NOS1AP: variants seen among roughly 807,000 people sequenced by gnomAD.
NOS1AP encodes nitric oxide synthase 1 adaptor protein.
NOS1AP carries 21 observed loss-of-function variants against 56.2 expected under a neutral mutation model. That is an observed-to-expected ratio of 0.37 (90% CI 0.26 to 0.54). NOS1AP has a LOEUF of 0.54. Among genes scored for constraint, NOS1AP ranks in the 20% least tolerant of loss-of-function variants. The probability of loss-of-function intolerance (pLI) is 0.84; values close to 1 mark genes in which losing one functional copy is unlikely to be tolerated. For missense variants in NOS1AP, 522 were observed against 657.8 expected, an observed-to-expected ratio of 0.79 and a Z score of 2.26; for synonymous variants, 270 against 274.6, an observed-to-expected ratio of 0.98 and a Z score of 0.17.
intron 3 of NOS1AP, among the ~76,000 whole-genome samples, chr1:162,300,288 A>G (rs111287951): frequency 4.6e-5 from 7 of 152,176 alleles, no homozygotes; most frequent in African/African-American, 1.2e-4. Flanking sequence ...TACAGCCAGA[A>G]TGAATAGCCT....
At chr1:162,366,256 AG>A (rs1658082091) in intron 9 of NOS1AP, among the ~76,000 whole-genome samples, 1 of 152,170 alleles carries the variant, frequency 6.6e-6, no homozygotes, top group Non-Finnish European at 1.5e-5. Flanking sequence ...GCTGTGGACC[AG>A]CAAATAGCCA....
chr1:162,213,748 C>G (rs1413779667), intron 2 of NOS1AP, among the ~76,000 whole-genome samples: 1 of 152,178 alleles, frequency 6.6e-6, no homozygotes, highest in East Asian at 1.9e-4. Context: ...ACCCCTAGCT[C>G]TCCCTTGGAA....
chr1:162,358,529 G>A (rs1161898975), intron 8 of NOS1AP, among the ~76,000 whole-genome samples: 1 of 152,140 alleles, frequency 6.6e-6, no homozygotes, highest in East Asian at 1.9e-4. Context: ...CAGAGAGGGG[G>A]AATGTCATTA....
rs1265002259 is a variant in NOS1AP at position 162,121,159 on chromosome 1, AT to A, written c.106-33236del. On this transcript the variant is annotated intron_variant, in intron 1 of 9. Transcript: ENST00000361897. ...ACCGATCACTTCAGACTTGGAGAGA[AT>A]TTTTTTTTTGTTTTTTGTTTTTTTT... 4.4e-4 allele frequency among the ~76,000 whole-genome samples: 62 copies of A among 141,670 alleles called. 1 individual carries two copies. The highest frequency in any genetic ancestry group is 1.4e-3 in the African/African-American group (51 of 37,768). The allele number at this position is 141,670 out of a possible 152,430, so 92.9% of individuals were successfully genotyped here. A position where few individuals can be genotyped will look rare whatever the true frequency, so the allele number is the denominator to read the frequency against.
At chr1:162,314,730 A>G (rs1463217047) in intron 4 of NOS1AP, among the ~76,000 whole-genome samples, 1 of 152,218 alleles carries the variant, frequency 6.6e-6, no homozygotes, top group Non-Finnish European at 1.5e-5. Flanking sequence ...TAGGAAAAAA[A>G]TCATTCTTGC....
intron 6 of NOS1AP, among the ~76,000 whole-genome samples, chr1:162,353,533 C>T (rs1242340110): frequency 6.6e-6 from 1 of 152,196 alleles, no homozygotes; most frequent in African/African-American, 2.4e-5. Flanking sequence ...TGTTTTGCTA[C>T]CCTGTCACTA....
intron 2 of NOS1AP, among the ~76,000 whole-genome samples, chr1:162,195,818 G>A (rs74807702): frequency 0.011 from 1,681 of 152,088 alleles, 18 homozygotes; most frequent in Middle Eastern, 0.027. Context: ...TGTATAGCCC[G>A]TAAGTCCTTG....
chr1:162,367,662 A>G lies in NOS1AP; in HGVS notation c.*195A>G. On this transcript the variant is annotated 3_prime_UTR_variant, in exon 10 of 10. Coordinates refer to ENST00000361897, the MANE Select transcript of NOS1AP (RefSeq NM_014697.3). This position sits in a 1 kb window ranked among gnomAD's most constrained non-coding sequence, Gnocchi z 6.5. ...AGTGGGGAAGAAATCGGATTCCCAGAGGTGAATCAGCTCCTCTCCTACTTG... is the reference window on the plus strand; with the variant it reads ...AGTGGGGAAGAAATCGGATTCCCAGGGGTGAATCAGCTCCTCTCCTACTTG... The G allele has an allele frequency of 1.6e-6, 1 of 645,042 alleles. No homozygotes were observed. Among genetic ancestry groups the G allele is most frequent in the East Asian group, 2.8e-5 (1 of 35,798 alleles). The allele number at this position is 645,042 out of a possible 1,614,324, so 40.0% of individuals were successfully genotyped here.
chr1:162,327,810 T>C (rs1656640945), intron 4 of NOS1AP, among the ~76,000 whole-genome samples: 1 of 152,236 alleles, frequency 6.6e-6, no homozygotes, highest in African/African-American at 2.4e-5. Flanking sequence ...AGTTCAGTTC[T>C]GTGAGCTGCA....
intron 1 of NOS1AP, among the ~76,000 whole-genome samples, chr1:162,142,118 A>C (rs1649261395): frequency 6.6e-6 from 1 of 152,242 alleles, no homozygotes; most frequent in Non-Finnish European, 1.5e-5. Flanking sequence ...AGAAACAGAT[A>C]TTAACTCACA....
intron 2 of NOS1AP, among the ~76,000 whole-genome samples, chr1:162,238,754 G>A (rs544906448): frequency 3.3e-5 from 5 of 152,110 alleles, no homozygotes; most frequent in African/African-American, 1.2e-4. Context: ...AGAATGTTTT[G>A]AAAAAAATGA....
At chr1:162,212,531 C>T (rs1348427236) in intron 2 of NOS1AP, among the ~76,000 whole-genome samples, 1 of 152,126 alleles carries the variant, frequency 6.6e-6, no homozygotes, top group Non-Finnish European at 1.5e-5. Context: ...TAAACTCTGC[C>T]CCCCGCCACC....
intron 1 of NOS1AP, among the ~76,000 whole-genome samples, chr1:162,109,777 G>A (rs1472502508): frequency 6.6e-6 from 1 of 151,850 alleles, no homozygotes; most frequent in Non-Finnish European, 1.5e-5. Flanking sequence ...TGCACACTGG[G>A]TATCTGCAAT....
chr1:162,114,870 G>A (rs542252919), intron 1 of NOS1AP, among the ~76,000 whole-genome samples: 1 of 152,302 alleles, frequency 6.6e-6, no homozygotes, highest in Admixed American at 6.5e-5. Context: ...AGTTGTTGTA[G>A]GGGTGGGATG....
intron 1 of NOS1AP, among the ~76,000 whole-genome samples, chr1:162,136,299 A>G (rs1014661771): frequency 1.1e-4 from 16 of 152,126 alleles, no homozygotes; most frequent in Non-Finnish European, 4.4e-5. Context: ...TTTTTAATGT[A>G]TGGTGTTATT....
chr1:162,253,613 A>G (rs1653936656), intron 2 of NOS1AP, among the ~76,000 whole-genome samples: 2 of 152,222 alleles, frequency 1.3e-5, no homozygotes, highest in Admixed American at 6.5e-5. Context: ...AGCATTCCCC[A>G]TAATCCTAGA....
At chr1:162,359,727 G>GT (rs200129683) in intron 8 of NOS1AP, among the ~76,000 whole-genome samples, 2 of 151,816 alleles carry the variant, frequency 1.3e-5, no homozygotes, top group African/African-American at 4.9e-5. Flanking sequence ...CGCGGGGGGG[G>GT]GCTGATTTCA....
intron 2 of NOS1AP, among the ~76,000 whole-genome samples, chr1:162,179,769 G>A (rs1651187288): frequency 6.6e-6 from 1 of 152,150 alleles, no homozygotes; most frequent in African/African-American, 2.4e-5. Flanking sequence ...GATTTCTCAG[G>A]CAATAAGATC....
chr1:162,185,494 G>T (rs761896392), intron 2 of NOS1AP, among the ~76,000 whole-genome samples: 2 of 152,166 alleles, frequency 1.3e-5, no homozygotes, highest in Non-Finnish European at 2.9e-5. Context: ...GTCTTGATGG[G>T]GGTTATCTGA....
Sources: allele counts gnomAD v4.1 joint callset (sites outside exome capture counted in the v4.1 genomes callset), GRCh38; gene constraint gnomAD v4.1.1; non-coding constraint Gnocchi (gnomAD v3.1); transcripts MANE v1.5; gene names NCBI Gene and HGNC (gene_info 2026-07-23, HGNC 2026-07-21).